Variants in STAM2 observed in about 807,000 individuals in gnomAD.
The protein encoded by STAM2 is signal transducing adapter molecule 2.
In STAM2, 51 loss-of-function variants were observed where a neutral mutation model predicts 65.6. The ratio of observed to expected loss-of-function variants is 0.78; its 90% CI spans 0.62 to 0.98. The LOEUF is 0.98. Among genes scored for constraint, STAM2 ranks in the 50% least tolerant of loss-of-function variants. The pLI is 0.00. For missense variants in STAM2, 584 were observed against 617.8 expected, an observed-to-expected ratio of 0.95 and a Z score of 0.58; for synonymous variants, 198 against 208.4, an observed-to-expected ratio of 0.95 and a Z score of 0.43.
In STAM2 at chr2:152,117,490, AT is replaced by A. The variant is rs1180739562; in HGVS notation, c.*3083del. The A allele has an allele frequency of 6.6e-6, 1 of 152,174 alleles. No individual in the cohort carries two copies. Among genetic ancestry groups the A allele is most frequent in the Non-Finnish European group, 1.5e-5 (1 of 68,030 alleles). 9.4% of individuals were successfully genotyped at this position (152,174 alleles called of 1,614,324 possible). ...GAAAACTTTTAGAAATATACTTTTA[AT>A]TTTTGAAAGAAAATTAAACCAAACA... On this transcript the variant is annotated 3_prime_UTR_variant, in exon 14 of 14. Coordinates refer to ENST00000263904, the MANE Select transcript of STAM2 (RefSeq NM_005843.6).
intron 2 of STAM2, among the ~76,000 whole-genome samples, chr2:152,149,646 C>T (rs1393982939): frequency 6.6e-6 from 1 of 152,020 alleles, no homozygotes; most frequent in Non-Finnish European, 1.5e-5. Flanking sequence ...TACAGGCGCA[C>T]ACCATTATGT....
intron 7 of STAM2, 57 bp from the exon 8 acceptor site, chr2:152,135,660 A>G: frequency 8.7e-7 from 1 of 1,148,436 alleles, no homozygotes; most frequent in South Asian, 1.4e-5. Flanking sequence ...ACAATAAGCA[A>G]AGATGAATTA....
chr2:152,159,210 G>A (rs1182536205), intron 1 of STAM2, among the ~76,000 whole-genome samples: 1 of 150,846 alleles, frequency 6.6e-6, no homozygotes, highest in East Asian at 2.0e-4. Flanking sequence ...AGAGGCTGGG[G>A]TGGGAGGATT....
intron 7 of STAM2, among the ~76,000 whole-genome samples, chr2:152,139,198 A>T (rs1357666470): frequency 6.6e-6 from 1 of 152,242 alleles, no homozygotes; most frequent in Non-Finnish European, 1.5e-5. Context: ...ATTTTAATGT[A>T]GCATTTATAT....
At chr2:152,175,567 G>A (rs752468267) in intron 1 of STAM2, 36 bp downstream of exon 1, 7 of 1,613,500 alleles carry the variant, frequency 4.3e-6, no homozygotes, top group Admixed American at 1.7e-5. Context: ...TCCAGGGCCA[G>A]GCACACAGCA....
chr2:152,133,331 C>A (rs910631530), intron 9 of STAM2, 71 bp from the exon 10 acceptor site: 11 of 1,539,664 alleles, frequency 7.1e-6, no homozygotes, highest in Non-Finnish European at 8.9e-6. Flanking sequence ...ATTACTCTTT[C>A]CAAGCATTCT....
intron 1 of STAM2, among the ~76,000 whole-genome samples, chr2:152,162,983 A>C (rs74562190): frequency 0.051 from 7,695 of 152,196 alleles, 560 homozygotes; most frequent in African/African-American, 0.16. Flanking sequence ...AATAACTAGC[A>C]CAAGGTTATA....
intron 13 of STAM2, among the ~76,000 whole-genome samples, chr2:152,121,650 A>T (rs1688855243): frequency 6.6e-6 from 1 of 152,178 alleles, no homozygotes; most frequent in Non-Finnish European, 1.5e-5. Flanking sequence ...CCGAAACTAT[A>T]GTTTCTTTAT....
chr2:152,150,316 C>T (rs913582608), intron 1 of STAM2, 87 bp from the exon 2 acceptor site: 1 of 808,676 alleles, frequency 1.2e-6, no homozygotes, highest in Non-Finnish European at 2.0e-6. Context: ...TTAAGAAATC[C>T]TACCTTTTCT....
rs189330735 is a variant in STAM2, at chr2:152,120,751, G to T, written c.1401C>A (p.Asn467Lys). 1.2e-6 allele frequency: 2 copies of T among 1,614,184 alleles called. No individual in the cohort carries two copies. Among genetic ancestry groups the T allele is most frequent in the Non-Finnish European group, 1.7e-6 (2 of 1,180,030 alleles). Residue 467 changes from asparagine to lysine, a missense_variant, in exon 14 of 14, where the codon AAC becomes AAA. Transcript: ENST00000263904. The stretch of plus-strand genomic sequence containing the variant: ...CAGTTGTACCAGTAGCTGACTGTAG[G>T]TTAGAGTTCTGGTTCATATAAGTAG... ...SNPTYMNQNSNLQSATGTTAY... is the reference protein window; with the variant it reads ...SNPTYMNQNSKLQSATGTTAY...
rs532877152 is a variant in STAM2, at chr2:152,127,504, A to G, written c.1026-1125T>C. On this transcript the variant is annotated intron_variant, in intron 11 of 13. Coordinates refer to ENST00000263904, the MANE Select transcript of STAM2 (RefSeq NM_005843.6). ...TACCCAGGCAAGGCTCAGAACCTCT[A>G]TGAAGTACAATATGATGGAAATTTA... Among the ~76,000 whole-genome samples, 10 of 152,214 alleles carry G rather than the reference A, an allele frequency of 6.6e-5. No individual in the cohort carries two copies. In the East Asian group the frequency reaches 1.9e-3, roughly 29 times the overall value.
chr2:152,147,586 C>T (rs575734828), intron 4 of STAM2, among the ~76,000 whole-genome samples: 3 of 152,202 alleles, frequency 2.0e-5, no homozygotes, highest in South Asian at 2.1e-4. Context: ...CTCCATGTTT[C>T]GGAGAATGGA....
chr2:152,133,462 T>A lies in STAM2; in HGVS notation c.822A>T (p.Val274=). 1 of 1,612,766 alleles carries A rather than the reference T, an allele frequency of 6.2e-7. No individual in the cohort carries two copies. The highest frequency in any genetic ancestry group is 8.5e-7 in the Non-Finnish European group (1 of 1,179,246). ...TAATTTCCTCCACATCATCATCAAT[T>A]ACATTCAATTTGTCCACAGCCGCTA... The part of the protein sequence containing the change: ...TEAAAVDKLN[V]IDDDVEEIKK... Residue 274 remains valine, a synonymous_variant, in exon 9 of 14, where the codon GTA becomes GTT. Transcript: ENST00000263904.
intron 1 of STAM2, among the ~76,000 whole-genome samples, chr2:152,175,374 C>T (rs559984918): frequency 1.6e-4 from 24 of 152,304 alleles, no homozygotes; most frequent in African/African-American, 5.8e-4. Context: ...GGAGAACGGC[C>T]CTTTGAGGGT....
chr2:152,154,225 G>A (rs1180440221), intron 1 of STAM2, among the ~76,000 whole-genome samples: 1 of 152,054 alleles, frequency 6.6e-6, no homozygotes, highest in Non-Finnish European at 1.5e-5. Flanking sequence ...CAGTGGTGGT[G>A]GAAAGACTAG....
At chr2:152,137,114 TTTATC>T (rs1347628745) in intron 7 of STAM2, among the ~76,000 whole-genome samples, 3 of 152,032 alleles carry the variant, frequency 2.0e-5, no homozygotes, top group African/African-American at 7.2e-5. Flanking sequence ...GGTCTCAAAC[TTTATC>T]TTAAGTGATC....
At chr2:152,144,705 AT>A (rs1689307601) in intron 6 of STAM2, 182 bp downstream of exon 6, 1 of 463,900 alleles carries the variant, frequency 2.2e-6, no homozygotes, top group African/African-American at 2.0e-5. Context: ...CGCCCAGCTA[AT>A]TTTTGTACTT....
chr2:152,169,842 T>C (rs1689866712), intron 1 of STAM2, among the ~76,000 whole-genome samples: 1 of 151,468 alleles, frequency 6.6e-6, no homozygotes, highest in South Asian at 2.1e-4. Context: ...AAGGGCAACT[T>C]TGCAAGAGCT....
chr2:152,136,299 C>T (rs185762351), intron 7 of STAM2, among the ~76,000 whole-genome samples: 68 of 151,854 alleles, frequency 4.5e-4, no homozygotes, highest in Admixed American at 1.2e-3. Flanking sequence ...AAAAATTAGC[C>T]GGGTGTGGTG....
Sources: gnomAD v4.1 joint callset for allele counts (sites outside exome capture counted in the v4.1 genomes callset) on GRCh38, gnomAD v4.1.1 for gene constraint, MANE v1.5 for transcripts, NCBI Gene and HGNC (gene_info 2026-07-23, HGNC 2026-07-21) for gene names.